WDR49: variants seen among roughly 807,000 people sequenced by gnomAD.
WDR49 encodes the protein WD repeat domain 49, also known as cilia- and flagella-associated protein 337.
A neutral mutation model predicts 119.5 loss-of-function variants in WDR49; 107 were observed. That is an observed-to-expected ratio of 0.90 (90% CI 0.77 to 1.05). WDR49 has a LOEUF of 1.05. Among genes scored for constraint, WDR49 ranks in the 50% least tolerant of loss-of-function variants. The probability of loss-of-function intolerance (pLI) is 0.00; values close to 1 mark genes in which losing one functional copy is unlikely to be tolerated. For synonymous variants in WDR49, 425 were observed against 418.8 expected (o/e 1.01, Z -0.18); for missense variants, 1,240 against 1,220.5 (o/e 1.02, Z -0.24).
At chr3:167,532,088 T>A (rs1288691322) in intron 12 of WDR49, among the ~76,000 whole-genome samples, 1 of 152,120 alleles carries the variant, frequency 6.6e-6, no homozygotes, top group Non-Finnish European at 1.5e-5. Flanking sequence ...TGCAACCAAG[T>A]ATCCCCTAAA....
upstream of WDR49, among the ~76,000 whole-genome samples, chr3:167,655,944 A>G (rs1238403522): frequency 6.6e-6 from 1 of 151,988 alleles, no homozygotes; most frequent in Non-Finnish European, 1.5e-5. Flanking sequence ...TATATGCCTA[A>G]TATATGTCAA....
At chr3:167,483,690 T>A (rs1486077628) in intron 18 of WDR49, among the ~76,000 whole-genome samples, 2 of 152,114 alleles carry the variant, frequency 1.3e-5, no homozygotes, top group Non-Finnish European at 2.9e-5. Context: ...TAGAGTTAGG[T>A]CCTTTTCTCC....
chr3:167,549,622 A>T (rs1369222234), intron 10 of WDR49, among the ~76,000 whole-genome samples: 1 of 151,736 alleles, frequency 6.6e-6, no homozygotes, highest in African/African-American at 2.4e-5. Flanking sequence ...GATTGTAAAA[A>T]TTTTCTCCCA....
intron 5 of WDR49, among the ~76,000 whole-genome samples, chr3:167,608,182 C>A (rs1017825067): frequency 6.6e-6 from 1 of 152,124 alleles, no homozygotes; most frequent in Non-Finnish European, 1.5e-5. Context: ...TGAAAATATT[C>A]TCTTTGTTTA....
At chr3:167,482,412 G>A (rs1750748710) in intron 18 of WDR49, among the ~76,000 whole-genome samples, 1 of 151,960 alleles carries the variant, frequency 6.6e-6, no homozygotes, top group African/African-American at 2.4e-5. Context: ...ACTCACGCCT[G>A]TAATCCCAAC....
chr3:167,553,543 T>A (rs945380191), intron 10 of WDR49, among the ~76,000 whole-genome samples: 9 of 152,166 alleles, frequency 5.9e-5, no homozygotes, highest in African/African-American at 1.7e-4. Context: ...TTGATTATTT[T>A]AAAAAATTCC....
At chr3:167,530,183 T>A (rs1752795723) in intron 13 of WDR49, among the ~76,000 whole-genome samples, 2 of 152,110 alleles carry the variant, frequency 1.3e-5, no homozygotes, top group Non-Finnish European at 2.9e-5. Flanking sequence ...TTATTGATTC[T>A]TAATGATTAA....
chr3:167,569,232 GCA>G (rs1713789101), intron 8 of WDR49, among the ~76,000 whole-genome samples: 1 of 152,086 alleles, frequency 6.6e-6, no homozygotes, highest in Non-Finnish European at 1.5e-5. Context: ...ATGAGCCACT[GCA>G]CCCAGCCTGT....
At chr3:167,489,255 G>A (rs1227796422) in intron 18 of WDR49, among the ~76,000 whole-genome samples, 1 of 151,976 alleles carries the variant, frequency 6.6e-6, no homozygotes, top group African/African-American at 2.4e-5. Flanking sequence ...TTGAATATAT[G>A]AGCACATGAA....
At chr3:167,607,623 G>T (rs1716126192) in intron 5 of WDR49, among the ~76,000 whole-genome samples, 1 of 152,138 alleles carries the variant, frequency 6.6e-6, no homozygotes, top group South Asian at 2.1e-4. Flanking sequence ...GTCCTGTGTG[G>T]CTGTCAACTC....
At chr3:167,528,158 A>C in intron 14 of WDR49, 141 bp from the exon 15 acceptor site, 1 of 637,038 alleles carries the variant, frequency 1.6e-6, no homozygotes, top group South Asian at 3.2e-5. Flanking sequence ...GTTCATGATA[A>C]AAGAGGCTAG....
rs528843626 is a variant in WDR49 at position 167,586,125 on chromosome 3, TCAAA to T, written c.1276-9978_1276-9975del. ...CCAGGTTCTGAGAAAAATCAGAACC[TCAAA>T]CAAAGGATTAAGCCACAAACTGATT... On this transcript the variant is annotated intron_variant, in intron 7 of 18. Coordinates refer to ENST00000682715, the MANE Select transcript of WDR49 (RefSeq NM_001366157.1). Among the ~76,000 whole-genome samples, 25 of 152,260 alleles carry T rather than the reference TCAAA, an allele frequency of 1.6e-4. 1 individual carries two copies. The South Asian group carries it at 5.2e-3, about 32-fold the overall frequency.
At chr3:167,611,480 A>G (rs1716331946) in intron 5 of WDR49, among the ~76,000 whole-genome samples, 1 of 152,194 alleles carries the variant, frequency 6.6e-6, no homozygotes, top group Non-Finnish European at 1.5e-5. Flanking sequence ...TTTACTCACC[A>G]TTAATAATAT....
At chr3:167,511,097 A>G (rs1451739937) in intron 16 of WDR49, among the ~76,000 whole-genome samples, 1 of 152,220 alleles carries the variant, frequency 6.6e-6, no homozygotes, top group Admixed American at 6.5e-5. Flanking sequence ...GACATTCTAC[A>G]GCTGACAATT....
At chr3:167,606,341 C>T (rs1217758075) in intron 5 of WDR49, among the ~76,000 whole-genome samples, 1 of 152,068 alleles carries the variant, frequency 6.6e-6, no homozygotes, top group East Asian at 1.9e-4. Flanking sequence ...TCATAAAGTC[C>T]AACCATAATA....
chr3:167,619,292 T>C (rs1716750720), intron 5 of WDR49, among the ~76,000 whole-genome samples: 1 of 152,150 alleles, frequency 6.6e-6, no homozygotes, highest in Admixed American at 6.6e-5. Context: ...AATACCTCCA[T>C]TCTGTATATT....
At chr3:167,581,478 T>A (rs940839834) in intron 7 of WDR49, among the ~76,000 whole-genome samples, 5 of 152,154 alleles carry the variant, frequency 3.3e-5, no homozygotes, top group African/African-American at 1.2e-4. Context: ...TATCTAAATA[T>A]TCTAAAATAA....
At chr3:167,522,824 T>C (rs376931974) in intron 15 of WDR49, among the ~76,000 whole-genome samples, 2 of 152,196 alleles carry the variant, frequency 1.3e-5, no homozygotes, top group South Asian at 2.1e-4. Flanking sequence ...AAGCTTTTGT[T>C]AAAGAATTGC....
At chr3:167,526,128 TCTC>T (rs1450974454) in intron 15 of WDR49, among the ~76,000 whole-genome samples, 1 of 152,108 alleles carries the variant, frequency 6.6e-6, no homozygotes, top group South Asian at 2.1e-4. Context: ...TGATGACTCT[TCTC>T]CTGTCTTGAA....
Sources: gnomAD v4.1 joint callset for allele counts (sites outside exome capture counted in the v4.1 genomes callset) on GRCh38, gnomAD v4.1.1 for gene constraint, MANE v1.5 for transcripts, NCBI Gene and HGNC (gene_info 2026-07-23, HGNC 2026-07-21) for gene names.